The following KIF26B variants were observed in gnomAD, a reference collection of about 807,000 sequenced individuals.
KIF26B encodes the protein kinesin family member 26B.
Under a neutral mutation model 151.2 loss-of-function variants are expected in KIF26B, and 63 were observed. The ratio of observed to expected loss-of-function variants is 0.42; its 90% CI spans 0.34 to 0.51. The LOEUF (loss-of-function observed/expected upper bound fraction) is 0.51. Ranked by LOEUF, KIF26B falls within the 20% of genes least tolerant of loss-of-function variation. The pLI, the probability that KIF26B is intolerant of heterozygous loss-of-function variation, is 0.07. For synonymous variants in KIF26B, 1,357 were observed against 1,262.1 expected (o/e 1.08, Z -1.59); for missense variants, 2,813 against 2,913.6 (o/e 0.97, Z 0.79).
At chr1:245,555,839 G>A (rs1022474545) in intron 5 of KIF26B, among the ~76,000 whole-genome samples, 1 of 152,160 alleles carries the variant, frequency 6.6e-6, no homozygotes, top group African/African-American at 2.4e-5. Context: ...TGTGAAATGA[G>A]GACTTGGGGG....
intron 5 of KIF26B, among the ~76,000 whole-genome samples, chr1:245,577,186 G>A (rs1038972562): frequency 6.6e-6 from 1 of 152,188 alleles, no homozygotes; most frequent in Non-Finnish European, 1.5e-5. Context: ...ACAGGGGCAC[G>A]AGTGATGTCA....
intron 2 of KIF26B, among the ~76,000 whole-genome samples, chr1:245,276,775 A>G (rs1670946012): frequency 6.6e-6 from 1 of 152,164 alleles, no homozygotes; most frequent in Admixed American, 6.5e-5. Flanking sequence ...CGTATTTCTC[A>G]CAAAGGGAAG....
At chr1:245,424,286 T>C (rs1264861728) in intron 4 of KIF26B, among the ~76,000 whole-genome samples, 1 of 152,112 alleles carries the variant, frequency 6.6e-6, no homozygotes. Context: ...CCGAGTAAGA[T>C]TACAGGTGTG....
chr1:245,351,880 C>T (rs548518946), intron 2 of KIF26B, among the ~76,000 whole-genome samples: 1 of 152,232 alleles, frequency 6.6e-6, no homozygotes, highest in South Asian at 2.1e-4. Context: ...TACAAAAAGA[C>T]CTGGCCCAAT....
chr1:245,517,503 A>G (rs1660994856), intron 4 of KIF26B, among the ~76,000 whole-genome samples: 1 of 152,254 alleles, frequency 6.6e-6, no homozygotes, highest in African/African-American at 2.4e-5. Context: ...ACAGTTTAAT[A>G]TGAAAATAGA....
chr1:245,411,708 T>C (rs1243760103), intron 3 of KIF26B, among the ~76,000 whole-genome samples: 3 of 152,218 alleles, frequency 2.0e-5, no homozygotes, highest in African/African-American at 7.2e-5. Flanking sequence ...CTCTGCCAGA[T>C]ACATTTTTAT....
At chr1:245,171,535 C>T (rs1001205984) in intron 2 of KIF26B, among the ~76,000 whole-genome samples, 1 of 151,896 alleles carries the variant, frequency 6.6e-6, no homozygotes, top group Non-Finnish European at 1.5e-5. Context: ...CAGAGTGAGA[C>T]TCCATCTCAA....
Position 245,193,306 on chromosome 1 carries a change from G to A in KIF26B, c.465+36623G>A, listed in dbSNP as rs533898846. 2.0e-3 allele frequency among the ~76,000 whole-genome samples: 300 copies of A among 152,258 alleles called. 1 individual carries two copies. Among genetic ancestry groups the A allele is most frequent in the Middle Eastern group, 6.8e-3 (2 of 294 alleles). On this transcript the variant is annotated intron_variant, in intron 2 of 14. Coordinates refer to ENST00000407071, the MANE Select transcript of KIF26B (RefSeq NM_018012.4). The stretch of plus-strand genomic sequence containing the variant: ...TGATTGGCATCTAGCTTGATTCCAT[G>A]TTTGCACTATTGTGAATAGTGCTGC...
At chr1:245,646,651 C>T (rs1558250360) in intron 10 of KIF26B, among the ~76,000 whole-genome samples, 2 of 152,158 alleles carry the variant, frequency 1.3e-5, no homozygotes, top group South Asian at 2.1e-4. Context: ...AGGGGTAGGG[C>T]CACCAGACTT....
intron 2 of KIF26B, among the ~76,000 whole-genome samples, chr1:245,273,861 G>A (rs191203107): frequency 4.1e-4 from 62 of 152,252 alleles, no homozygotes; most frequent in African/African-American, 1.4e-3. Context: ...TCACTTACAT[G>A]AAAAGTCATT....
intron 2 of KIF26B, among the ~76,000 whole-genome samples, chr1:245,342,594 C>T (rs565213235): frequency 7.9e-5 from 12 of 151,956 alleles, no homozygotes; most frequent in African/African-American, 1.5e-4. Context: ...CCCAAAGACC[C>T]GGGGCTGGAG....
intron 4 of KIF26B, among the ~76,000 whole-genome samples, chr1:245,535,077 C>T (rs1359000503): frequency 6.6e-6 from 1 of 152,180 alleles, no homozygotes; most frequent in Non-Finnish European, 1.5e-5. Flanking sequence ...GCCACTGCAC[C>T]TGGCCGTCTT....
chr1:245,454,587 T>A (rs10924201), intron 4 of KIF26B, among the ~76,000 whole-genome samples: 36,117 of 152,082 alleles, frequency 0.24, 4,454 homozygotes, highest in East Asian at 0.31. Context: ...TTTGATACCT[T>A]CCATTGGGAG....
intron 2 of KIF26B, among the ~76,000 whole-genome samples, chr1:245,162,534 C>T (rs565281775): frequency 5.9e-5 from 9 of 151,950 alleles, no homozygotes; most frequent in South Asian, 4.2e-4. Context: ...TACAGGCGCC[C>T]GCCACCACGC....
chr1:245,434,126 A>G (rs1658846638), intron 4 of KIF26B, among the ~76,000 whole-genome samples: 1 of 152,154 alleles, frequency 6.6e-6, no homozygotes, highest in African/African-American at 2.4e-5. Flanking sequence ...TCAGTGCTCA[A>G]TCAAAGTGGC....
Position 245,155,244 on chromosome 1 carries a change from A to G in KIF26B, c.-181A>G, listed in dbSNP as rs1668406433. 1 of 632,882 alleles carries G rather than the reference A, an allele frequency of 1.6e-6. No homozygotes were observed. The highest frequency in any genetic ancestry group is 1.9e-5 in the South Asian group (1 of 52,124). 39.2% of individuals were successfully genotyped at this position (632,882 alleles called of 1,614,324 possible). On this transcript the variant is annotated 5_prime_UTR_variant, in exon 1 of 15. Transcript: ENST00000407071. The stretch of plus-strand genomic sequence containing the variant: ...ACCAGCGACCCCAACCCTTTCTGCA[A>G]ATTGGTGCTATTACTTGTGGGATCC...
intron 1 of KIF26B, among the ~76,000 whole-genome samples, chr1:245,155,995 C>G (rs926783770): frequency 2.6e-5 from 4 of 152,116 alleles, no homozygotes; most frequent in Non-Finnish European, 4.4e-5. Context: ...CCTATGGATC[C>G]CCCCCGCCTT....
At chr1:245,604,703 G>C (rs1193257053) in intron 6 of KIF26B, among the ~76,000 whole-genome samples, 4 of 152,200 alleles carry the variant, frequency 2.6e-5, no homozygotes, top group African/African-American at 9.7e-5. Context: ...GCTAGTCTTT[G>C]TTTACATTTC....
rs1572012273 is a variant in KIF26B, at chr1:245,339,770, G to A, written c.466-27064G>A. On this transcript the variant is annotated intron_variant, in intron 2 of 14. Coordinates refer to ENST00000407071, the MANE Select transcript of KIF26B (RefSeq NM_018012.4). ...ATATCAAAGTAGCTGTTGCAGTTGT[G>A]TAGAGATTCACACATGTATGCTCTG... is the stretch of plus-strand genomic sequence containing the variant. Among the ~76,000 whole-genome samples, 3 of 152,224 alleles carry A rather than the reference G, an allele frequency of 2.0e-5. No individual in the cohort carries two copies. In the South Asian group the frequency reaches 6.2e-4, roughly 32 times the overall value.
Sources: gnomAD v4.1 joint callset for allele counts (sites outside exome capture counted in the v4.1 genomes callset) on GRCh38, gnomAD v4.1.1 for gene constraint, MANE v1.5 for transcripts, NCBI Gene and HGNC (gene_info 2026-07-23, HGNC 2026-07-21) for gene names.